The following WNK3 variants were observed in gnomAD, a reference collection of about 807,000 sequenced individuals.
The protein encoded by WNK3 is serine/threonine-protein kinase WNK3.
In WNK3, 18 loss-of-function variants were observed where a neutral mutation model predicts 116.7. That is an observed-to-expected ratio of 0.15 (90% CI 0.11 to 0.23). The LOEUF (loss-of-function observed/expected upper bound fraction) is 0.23, where lower values mean the gene tolerates loss of function less well. Ranked by LOEUF, WNK3 falls within the 10% of genes least tolerant of loss-of-function variation. The probability of loss-of-function intolerance (pLI) is 1.00; values close to 1 mark genes in which losing one functional copy is unlikely to be tolerated. For missense variants in WNK3, 993 were observed against 1,323.8 expected, an observed-to-expected ratio of 0.75 and a Z score of 3.88; for synonymous variants, 404 against 469.4, an observed-to-expected ratio of 0.86 and a Z score of 1.80.
chrX:54,195,354 A>G (rs2146674957), exon 24 of WNK3: 1 of 111,659 alleles, frequency 9.0e-6, no homozygotes, highest in South Asian at 3.7e-4. Flanking sequence ...TGTTTTTTGG[A>G]AAGGAAGGCC....
At chrX:54,346,138 A>G (rs1343009607) in intron 1 of WNK3, among the ~76,000 whole-genome samples, 1 of 106,740 alleles carries the variant, frequency 9.4e-6, no homozygotes, top group African/African-American at 3.4e-5. Context: ...GTATATATAT[A>G]TATATGTTGT....
intron 17 of WNK3, among the ~76,000 whole-genome samples, chrX:54,246,624 C>T (rs898990741): frequency 8.9e-6 from 1 of 112,151 alleles, no homozygotes; most frequent in Non-Finnish European, 1.9e-5. Flanking sequence ...TACCAAGATA[C>T]AGTCTGATAA....
chrX:54,294,673 T>C (rs781863997), exon 8 of WNK3: 2 of 1,210,547 alleles, frequency 1.7e-6, no homozygotes, highest in Non-Finnish European at 2.2e-6. Flanking sequence ...AGGGGTAAAG[T>C]TGTATTCTGG....
At position 54,291,205 on chromosome X, in the gene WNK3, C is replaced by T. The variant is rs1005036853; in HGVS notation, c.2037+1683G>A. On this transcript the variant is annotated intron_variant, in intron 10 of 23. Coordinates refer to ENST00000354646, the Ensembl canonical transcript of WNK3. ...GCACGTGCCTGTAGTCCCACCTACT[C>T]GGGAGGCTGTGGCAGAAGAATCGTT... 3.6e-5 allele frequency among the ~76,000 whole-genome samples: 4 copies of T among 109,943 alleles called. No individual in the cohort carries two copies. In the Admixed American group the frequency reaches 3.9e-4, roughly 11 times the overall value.
intron 2 of WNK3, among the ~76,000 whole-genome samples, chrX:54,332,259 T>C (rs2147258030): frequency 8.9e-6 from 1 of 112,184 alleles, no homozygotes; most frequent in East Asian, 2.8e-4. Flanking sequence ...ACATTCTAGC[T>C]GAATAACTTC....
intron 1 of WNK3, among the ~76,000 whole-genome samples, chrX:54,349,697 ATATAGT>A (rs1263791482): frequency 8.9e-6 from 1 of 111,752 alleles, no homozygotes; most frequent in African/African-American, 3.2e-5. Context: ...AGATAGTAAC[ATATAGT>A]TATAGTAAGT....
chrX:54,297,233 A>G (rs1011643922), intron 7 of WNK3, among the ~76,000 whole-genome samples: 2 of 111,354 alleles, frequency 1.8e-5, no homozygotes, highest in Non-Finnish European at 3.8e-5. Flanking sequence ...AAAACAATAT[A>G]TTATGCAGGT....
At chrX:54,248,425 A>G (rs1317084694) in intron 17 of WNK3, among the ~76,000 whole-genome samples, 1 of 111,180 alleles carries the variant, frequency 9.0e-6, no homozygotes, top group African/African-American at 3.3e-5. Context: ...TCCATGAGTC[A>G]GTTTTCATTC....
chrX:54,211,223 C>T (rs1283608060), intron 22 of WNK3, among the ~76,000 whole-genome samples: 1 of 110,211 alleles, frequency 9.1e-6, no homozygotes, highest in African/African-American at 3.3e-5. Context: ...AGGTGGATCA[C>T]CTGAGGTCAG....
At chrX:54,331,990 C>A (rs1371062528) in intron 2 of WNK3, among the ~76,000 whole-genome samples, 2 of 111,784 alleles carry the variant, frequency 1.8e-5, no homozygotes, top group Admixed American at 9.6e-5. Context: ...TTCTTAGCAA[C>A]TGGCTTTATT....
At chrX:54,194,589 C>A (rs2067427484) in exon 24 of WNK3, 1 of 111,503 alleles carries the variant, frequency 9.0e-6, no homozygotes, top group Non-Finnish European at 1.9e-5. Context: ...CTGCTCTCCA[C>A]CCCCAAATCC....
At position 54,267,234 on chromosome X, in the gene WNK3, A is replaced by C. The variant is rs77286666; in HGVS notation, c.2038-7896T>G. ...AGGAAACTATGAAGCCATAAAAAAG[A>C]ATTTTTTCTTTTTGGTAGAGACAGG... On this transcript the variant is annotated intron_variant, in intron 10 of 23. Transcript: ENST00000354646. 6.3e-5 allele frequency among the ~76,000 whole-genome samples: 7 copies of C among 110,635 alleles called. No individual in the cohort carries two copies. The South Asian group carries it at 2.0e-3, about 32-fold the overall frequency.
chrX:54,207,509 CTT>C (rs782017192), intron 22 of WNK3, among the ~76,000 whole-genome samples: 5 of 84,274 alleles, frequency 5.9e-5, no homozygotes, highest in Non-Finnish European at 4.7e-5. Flanking sequence ...GCCCATTTAT[CTT>C]TTTTTTTTTT....
intron 10 of WNK3, among the ~76,000 whole-genome samples, chrX:54,280,256 CA>C (rs1557162054): frequency 9.3e-6 from 1 of 107,601 alleles, no homozygotes; most frequent in African/African-American, 3.4e-5. Context: ...AAGATTGTGC[CA>C]CTGCACTCCA....
intron 22 of WNK3, among the ~76,000 whole-genome samples, chrX:54,222,939 T>TAA (rs10591701): frequency 1.1e-5 from 1 of 89,727 alleles, no homozygotes; most frequent in Admixed American, 1.3e-4. Context: ...TATATATATA[T>TAA]AAAAAAAGAC....
chrX:54,261,315 A>G (rs1303688537), intron 10 of WNK3, among the ~76,000 whole-genome samples: 3 of 110,977 alleles, frequency 2.7e-5, no homozygotes, highest in Non-Finnish European at 5.7e-5. Context: ...TTCAGGATTC[A>G]GAACCCTTGG....
chrX:54,219,495 C>CA (rs1467884513), intron 22 of WNK3, among the ~76,000 whole-genome samples: 1 of 108,756 alleles, frequency 9.2e-6, no homozygotes, highest in Non-Finnish European at 1.9e-5. Flanking sequence ...ACCTGGCCAA[C>CA]ATGGTGGTAC....
chrX:54,230,160 G>A (rs1371364231), intron 21 of WNK3, among the ~76,000 whole-genome samples: 11 of 110,995 alleles, frequency 9.9e-5, no homozygotes, highest in South Asian at 3.7e-4. Flanking sequence ...AAAAACTCTC[G>A]AAAATCAACC....
At chrX:54,310,949 C>A (rs1456460498) in intron 3 of WNK3, among the ~76,000 whole-genome samples, 170 bp downstream of exon 3, 1 of 111,425 alleles carries the variant, frequency 9.0e-6, no homozygotes, top group African/African-American at 3.3e-5. Flanking sequence ...CCAGGCTAGT[C>A]TTGAGATCCA....
Sources: allele counts gnomAD v4.1 joint callset (sites outside exome capture counted in the v4.1 genomes callset), GRCh38; gene constraint gnomAD v4.1.1; transcripts MANE v1.5; gene names NCBI Gene and HGNC (gene_info 2026-07-23, HGNC 2026-07-21).